PARVG: variants seen among roughly 807,000 people sequenced by gnomAD.
The protein encoded by PARVG is parvin gamma.
Under a neutral mutation model 44.4 loss-of-function variants are expected in PARVG, and 36 were observed. The ratio of observed to expected loss-of-function variants is 0.81; its 90% confidence interval spans 0.62 to 1.07. PARVG has a LOEUF of 1.07. Ranked by LOEUF, PARVG falls within the 50% of genes least tolerant of loss-of-function variation. PARVG has a pLI of 0.00. For synonymous variants in PARVG, 170 were observed against 174.1 expected (o/e 0.98, Z 0.19); for missense variants, 407 against 407.4 (o/e 1.00, Z 0.01).
intron 12 of PARVG, among the ~76,000 whole-genome samples, chr22:44,201,624 T>C (rs139160): frequency 0.62 from 93,605 of 152,068 alleles, 29,639 homozygotes; most frequent in Middle Eastern, 0.74. Context: ...TCGGAGGAGC[T>C]GCATCAGCCA....
Position 44,182,299 on chromosome 22 carries a change from G to A in PARVG, c.-13+382G>A, listed in dbSNP as rs138585095. On this transcript the variant is annotated intron_variant, in intron 2 of 13. Transcript: ENST00000444313. This position sits in a 1 kb window ranked among gnomAD's most constrained non-coding sequence, Gnocchi z 4.6. ...AGAGAGGGCAGGGGGTTTGCCCAAC[G>A]TCACACAGCCTGAGTGAGGAGGAGC... Among the ~76,000 whole-genome samples, 24 of 152,344 alleles carry A rather than the reference G, an allele frequency of 1.6e-4. No homozygotes were observed. Among genetic ancestry groups the A allele is most frequent in the African/African-American group, 4.3e-4 (18 of 41,578 alleles).
At chr22:44,184,078 G>A (rs2054427320) in intron 3 of PARVG, 1 of 154,914 alleles carries the variant, frequency 6.5e-6, no homozygotes, top group Admixed American at 6.5e-5. Context: ...TCCCTTCTAG[G>A]AGATGGCTCA....
At chr22:44,192,646 T>TG (rs11450564) in intron 8 of PARVG, among the ~76,000 whole-genome samples, 150,655 of 150,882 alleles carry the variant, frequency 1, 75,214 homozygotes, top group Middle Eastern at 1. Flanking sequence ...TCCTGCCCAC[T>TG]GGGCATGGCC....
intron 4 of PARVG, chr22:44,186,209 C>A (rs78310120): frequency 0.018 from 5,712 of 308,946 alleles, 76 homozygotes; most frequent in Non-Finnish European, 0.026. Context: ...CACGCAGCTG[C>A]CCGTAACGGA....
At chr22:44,204,633 C>G (rs114368102) in intron 12 of PARVG, among the ~76,000 whole-genome samples, 1,792 of 152,382 alleles carry the variant, frequency 0.012, 34 homozygotes, top group African/African-American at 0.04. Context: ...CCAACCTGGC[C>G]TCTTGGCCCC....
At chr22:44,196,945 C>T (rs1276189688) in intron 11 of PARVG, among the ~76,000 whole-genome samples, 4 of 152,208 alleles carry the variant, frequency 2.6e-5, no homozygotes, top group Non-Finnish European at 1.5e-5. Context: ...TGGGCTGTGG[C>T]TTTCCACAGT....
chr22:44,198,941 CCCACCCATCCAT>C (rs1569186446), intron 12 of PARVG, among the ~76,000 whole-genome samples: 1 of 22,662 alleles, frequency 4.4e-5, no homozygotes, highest in Non-Finnish European at 1.2e-4. Flanking sequence ...CATCCATCCA[CCCACCCATCCAT>C]CCATCCATCC....
chr22:44,199,406 C>T (rs951988410), intron 12 of PARVG, among the ~76,000 whole-genome samples: 2 of 152,068 alleles, frequency 1.3e-5, no homozygotes, highest in African/African-American at 4.8e-5. Context: ...TACCCATACA[C>T]TTGCCTGCCC....
At chr22:44,191,516 G>T (rs1463493358) in intron 7 of PARVG, among the ~76,000 whole-genome samples, 1 of 142,256 alleles carries the variant, frequency 7.0e-6, no homozygotes, top group East Asian at 2.2e-4. Context: ...TCCCACCTCA[G>T]CCTCCCAAGT....
chr22:44,173,380 G>C (rs1201000903), intron 1 of PARVG, among the ~76,000 whole-genome samples: 1 of 152,180 alleles, frequency 6.6e-6, no homozygotes, highest in Non-Finnish European at 1.5e-5. Context: ...AGGAACCCCT[G>C]TGTGGCGGAG....
Position 44,182,016 on chromosome 22 carries a change from C to T in PARVG, c.-13+99C>T, listed in dbSNP as rs1360124403. ...GAAGGATCCCAGAGTGCAGTCCCAGCCCAGGCCACCCGGGGAAGGGAGTCG... is the reference window on the plus strand; with the variant it reads ...GAAGGATCCCAGAGTGCAGTCCCAGTCCAGGCCACCCGGGGAAGGGAGTCG... On this transcript the variant is annotated intron_variant, in intron 2 of 13. Transcript: ENST00000444313. The surrounding 1 kb of genome is among the most constrained non-coding windows in gnomAD (Gnocchi z 4.6). 23 of 929,890 alleles carry T rather than the reference C, an allele frequency of 2.5e-5. No homozygotes were observed. Among genetic ancestry groups the T allele is most frequent in the Non-Finnish European group, 3.0e-5 (23 of 779,412 alleles). The allele number at this position is 929,890 out of a possible 1,614,324, so 57.6% of individuals were successfully genotyped here. A position where few individuals can be genotyped will look rare whatever the true frequency, so the allele number is the denominator to read the frequency against.
intron 11 of PARVG, among the ~76,000 whole-genome samples, chr22:44,196,727 T>C (rs1440611397): frequency 6.6e-6 from 1 of 152,234 alleles, no homozygotes; most frequent in African/African-American, 2.4e-5. Context: ...ACTTGAAGCA[T>C]ATGAGTCTTC....
rs2054774786 is a variant in PARVG at position 44,205,919 on chromosome 22, A to T, written c.886+90A>T. On this transcript the variant is annotated intron_variant, in intron 13 of 13. Transcript: ENST00000444313. ...AGAACAGGGTGCAGGGCATTGGGGG[A>T]TGAGCACGCATTGGCAGAGTCCTCT... 4 of 1,428,420 alleles carry T rather than the reference A, an allele frequency of 2.8e-6. No individual in the cohort carries two copies. The Admixed American group carries it at 7.8e-5, about 28-fold the overall frequency. The allele number at this position is 1,428,420 out of a possible 1,614,324, so 88.5% of individuals were successfully genotyped here. A position where few individuals can be genotyped will look rare whatever the true frequency, so the allele number is the denominator to read the frequency against.
chr22:44,187,000 T>C lies in PARVG; in HGVS notation c.145-776T>C, dbSNP rs369851528. ...CTCTGACCTTTTGAGCACAGCAGAG[T>C]GGGGACAGTTTCGAGCAGAGCTGCA... On this transcript the variant is annotated intron_variant, in intron 4 of 13. Coordinates refer to ENST00000444313, the MANE Select transcript of PARVG (RefSeq NM_022141.7). The C allele has an allele frequency of 3.0e-5, 8 of 262,422 alleles. No homozygotes were observed. The Admixed American group carries it at 3.5e-4, about 11-fold the overall frequency. The allele number at this position is 262,422 out of a possible 1,614,324, so 16.3% of individuals were successfully genotyped here.
chr22:44,176,953 A>C (rs4823119), upstream of PARVG, among the ~76,000 whole-genome samples: 15,871 of 152,032 alleles, frequency 0.1, 1,655 homozygotes, highest in African/African-American at 0.25. Flanking sequence ...AGACTTATTC[A>C]CCATCATGAG....
rs139128 is a variant in PARVG, at chr22:44,182,983, TG to T, written c.-12-329del. The T allele has an allele frequency of 1.8e-5, 6 of 324,650 alleles. No homozygotes were observed. Among genetic ancestry groups the T allele is most frequent in the South Asian group, 3.6e-5 (1 of 28,000 alleles). 20.1% of individuals were successfully genotyped at this position (324,650 alleles called of 1,614,324 possible). ...CTACTTTGTCCTGTCTGGGATAGGG[TG>T]GGGGGTCCCTGGGTAGGGGGCTGGG... On this transcript the variant is annotated intron_variant, in intron 2 of 13. Transcript: ENST00000444313. This position sits in a 1 kb window ranked among gnomAD's most constrained non-coding sequence, Gnocchi z 4.6.
At chr22:44,191,395 T>C (rs2147228455) in intron 7 of PARVG, among the ~76,000 whole-genome samples, 1 of 129,326 alleles carries the variant, frequency 7.7e-6, no homozygotes, top group East Asian at 2.1e-4. Flanking sequence ...TCTATTTTTT[T>C]TTTTTTTTTT....
chr22:44,180,879 T>G, upstream of PARVG: 1 of 982,758 alleles, frequency 1.0e-6, no homozygotes, highest in Non-Finnish European at 1.2e-6. Flanking sequence ...CCCAGTCACC[T>G]GTTGCTAGGG....
At chr22:44,204,570 C>T (rs2054753322) in intron 12 of PARVG, among the ~76,000 whole-genome samples, 1 of 152,238 alleles carries the variant, frequency 6.6e-6, no homozygotes, top group African/African-American at 2.4e-5. Flanking sequence ...TGGCCTGGGC[C>T]AGGCTGGCGT....
Sources: allele counts gnomAD v4.1 joint callset (sites outside exome capture counted in the v4.1 genomes callset), GRCh38; gene constraint gnomAD v4.1.1; non-coding constraint Gnocchi (gnomAD v3.1); transcripts MANE v1.5; gene names NCBI Gene and HGNC (gene_info 2026-07-23, HGNC 2026-07-21).